Variants in MEIS2 observed in about 807,000 individuals in gnomAD.
MEIS2 encodes Meis homeobox 2.
A neutral mutation model predicts 58.6 loss-of-function variants in MEIS2; 9 were observed. The ratio of observed to expected loss-of-function variants is 0.15; its 90% CI spans 0.09 to 0.27. MEIS2 has a LOEUF of 0.27. Ranked by LOEUF, MEIS2 falls within the 10% of genes least tolerant of loss-of-function variation. The probability of loss-of-function intolerance (pLI) is 1.00; values close to 1 mark genes in which losing one functional copy is unlikely to be tolerated. For synonymous variants in MEIS2, 221 were observed against 228.4 expected (o/e 0.97, Z 0.29); for missense variants, 427 against 635.0 (o/e 0.67, Z 3.52).
chr15:36,907,125 T>C (rs2056780789), intron 9 of MEIS2, among the ~76,000 whole-genome samples: 1 of 152,210 alleles, frequency 6.6e-6, no homozygotes, highest in Admixed American at 6.5e-5. Flanking sequence ...TAAAAGACTA[T>C]GTATTTTTAA....
At chr15:37,061,770 C>T (rs923151547) in intron 7 of MEIS2, among the ~76,000 whole-genome samples, 6 of 152,026 alleles carry the variant, frequency 3.9e-5, no homozygotes, top group East Asian at 3.9e-4. Context: ...AGTCACCAAA[C>T]GAGTTTTTCT....
chr15:37,095,558 C>A lies in MEIS2; in HGVS notation c.438+6G>T. 1 of 1,614,152 alleles carries A rather than the reference C, an allele frequency of 6.2e-7. No homozygotes were observed. The highest frequency in any genetic ancestry group is 8.5e-7 in the Non-Finnish European group (1 of 1,180,016). On this transcript the variant is annotated splice_donor_region_variant and intron_variant, in intron 4 of 11. Transcript: ENST00000561208. The stretch of plus-strand genomic sequence containing the variant: ...CTGGGGAAAAACAAGGAACAGAGAG[C>A]CTTACCAAATTGTCCAGCTCTGGAT...
intron 7 of MEIS2, among the ~76,000 whole-genome samples, chr15:37,050,582 G>A (rs543523617): frequency 3.9e-5 from 6 of 152,194 alleles, no homozygotes; most frequent in African/African-American, 1.4e-4. Context: ...AAGAGTATCC[G>A]ACATACTTTT....
chr15:37,061,578 G>A (rs1889223547), intron 7 of MEIS2, among the ~76,000 whole-genome samples: 1 of 152,132 alleles, frequency 6.6e-6, no homozygotes, highest in South Asian at 2.1e-4. Context: ...AGAAGCAGCT[G>A]GTTGCCATGT....
chr15:37,090,169 T>C (rs1596116706), intron 6 of MEIS2, among the ~76,000 whole-genome samples: 1 of 151,680 alleles, frequency 6.6e-6, no homozygotes, highest in East Asian at 1.9e-4. Flanking sequence ...CTATAAATAT[T>C]ATTATTATGT....
intron 6 of MEIS2, among the ~76,000 whole-genome samples, chr15:37,092,149 A>G (rs1893601513): frequency 6.6e-6 from 1 of 152,196 alleles, no homozygotes; most frequent in African/African-American, 2.4e-5. Flanking sequence ...GGGTAAAGAG[A>G]TAAGAATAGG....
chr15:37,066,549 A>T (rs1343172371), intron 7 of MEIS2: 1 of 152,244 alleles, frequency 6.6e-6, no homozygotes, highest in Non-Finnish European at 1.5e-5. Flanking sequence ...TGGGGGAATC[A>T]AACAAAAATT....
intron 6 of MEIS2, among the ~76,000 whole-genome samples, chr15:37,089,592 C>G (rs1439548809): frequency 6.6e-6 from 1 of 152,028 alleles, no homozygotes; most frequent in Non-Finnish European, 1.5e-5. Context: ...GTTAGTAGAT[C>G]CAGGCAATTT....
At chr15:37,094,030 C>A (rs1269462977) in intron 5 of MEIS2, 2 of 365,466 alleles carry the variant, frequency 5.5e-6, no homozygotes, top group Non-Finnish European at 1.0e-5. Flanking sequence ...GGAATTAAAT[C>A]TGATTTGATA....
chr15:36,998,195 C>T (rs2060594402), intron 8 of MEIS2, among the ~76,000 whole-genome samples: 1 of 149,298 alleles, frequency 6.7e-6, no homozygotes. Context: ...GCACAGACTA[C>T]GACTTTTACC....
chr15:36,906,964 T>C (rs1287009220), intron 9 of MEIS2, among the ~76,000 whole-genome samples: 1 of 152,226 alleles, frequency 6.6e-6, no homozygotes, highest in Non-Finnish European at 1.5e-5. Flanking sequence ...TGAGTTAATT[T>C]GTGCAACTAG....
At chr15:36,923,689 A>C (rs577289950) in intron 9 of MEIS2, among the ~76,000 whole-genome samples, 5 of 152,360 alleles carry the variant, frequency 3.3e-5, no homozygotes, top group African/African-American at 1.2e-4. Context: ...AAACACAAAC[A>C]AAAGTCTTTC....
chr15:36,970,385 C>A (rs1453951391), intron 8 of MEIS2, among the ~76,000 whole-genome samples: 1 of 144,490 alleles, frequency 6.9e-6, no homozygotes, highest in East Asian at 2.0e-4. Context: ...GCCTGGGCGA[C>A]AGAGCAAGAC....
chr15:37,079,220 G>C (rs2141900674), intron 7 of MEIS2, among the ~76,000 whole-genome samples: 1 of 152,060 alleles, frequency 6.6e-6, no homozygotes, highest in African/African-American at 2.4e-5. Context: ...TAGTCTCACA[G>C]AATTTTTTTG....
intron 7 of MEIS2, among the ~76,000 whole-genome samples, chr15:37,046,824 T>G (rs1384023268): frequency 1.1e-5 from 1 of 94,056 alleles, no homozygotes; most frequent in African/African-American, 3.6e-5. Context: ...ATGTGGTTAT[T>G]CTCGTTTAAA....
chr15:36,906,140 G>C (rs2056723932), intron 9 of MEIS2, among the ~76,000 whole-genome samples: 1 of 152,190 alleles, frequency 6.6e-6, no homozygotes, highest in Non-Finnish European at 1.5e-5. Context: ...CTGGCTCCCA[G>C]CTTCGATCTG....
At chr15:37,040,460 G>C (rs541936905) in intron 7 of MEIS2, among the ~76,000 whole-genome samples, 7 of 152,102 alleles carry the variant, frequency 4.6e-5, no homozygotes, top group Non-Finnish European at 7.4e-5. Context: ...TGTTCCTCTG[G>C]AACAGCTGAG....
intron 9 of MEIS2, among the ~76,000 whole-genome samples, chr15:36,948,865 G>GT (rs890679474): frequency 2.0e-4 from 30 of 151,864 alleles, no homozygotes; most frequent in Non-Finnish European, 3.8e-4. Flanking sequence ...TTTATTCCAA[G>GT]TTTTTGGTCT....
At chr15:37,096,018 GA>G (rs1325183560) in intron 3 of MEIS2, 96 of 453,226 alleles carry the variant, frequency 2.1e-4, no homozygotes, top group East Asian at 5.4e-4. Context: ...GGAGGCGGGG[GA>G]AAAAGGCCAA....
Sources: gnomAD v4.1 joint callset for allele counts (sites outside exome capture counted in the v4.1 genomes callset) on GRCh38, gnomAD v4.1.1 for gene constraint, MANE v1.5 for transcripts, NCBI Gene and HGNC (gene_info 2026-07-23, HGNC 2026-07-21) for gene names.